Variants in DUOX1 observed in about 807,000 individuals in gnomAD.
DUOX1 encodes NADPH thyroid oxidase 1.
DUOX1 carries 134 observed loss-of-function variants against 181.8 expected under a neutral mutation model. That is an observed-to-expected ratio of 0.74 (90% CI 0.64 to 0.85). The LOEUF (loss-of-function observed/expected upper bound fraction) is 0.85, where lower values mean the gene tolerates loss of function less well. Ranked by LOEUF, DUOX1 falls within the 40% of genes least tolerant of loss-of-function variation. The pLI, the probability that DUOX1 is intolerant of heterozygous loss-of-function variation, is 0.00. For missense variants in DUOX1, 1,814 were observed against 2,064.4 expected, an observed-to-expected ratio of 0.88 and a Z score of 2.35; for synonymous variants, 798 against 832.5, an observed-to-expected ratio of 0.96 and a Z score of 0.71.
At position 45,137,990 on chromosome 15, in the gene DUOX1, C is replaced by A; in HGVS notation, c.1089C>A (p.Val363=). ...RNSSVSRALR[V]CNSYWSREHP... is the part of the protein sequence containing the mutation. ...CAAGTGTCTCCAGAGCTCTCCGGGT[C>A]TGCAACAGCTACTGGAGCCGTGAGG... is the stretch of plus-strand genomic sequence containing the variant. Residue 363 remains valine, a synonymous_variant, in exon 10 of 34, where the codon GTC becomes GTA. Transcript: ENST00000389037. The A allele has an allele frequency of 1.9e-6, 3 of 1,610,386 alleles. No homozygotes were observed. The highest frequency in any genetic ancestry group is 2.5e-6 in the Non-Finnish European group (3 of 1,177,940).
chr15:45,144,675 T>C (rs773828042), intron 17 of DUOX1, among the ~76,000 whole-genome samples: 4 of 152,358 alleles, frequency 2.6e-5, no homozygotes, highest in Middle Eastern at 3.4e-3. Flanking sequence ...CAGTATGGAA[T>C]AGAGGGAAGA....
Position 45,144,070 on chromosome 15 carries a change from G to A in DUOX1, c.1971G>A (p.Arg657=). The change falls in exon 17 of 34, where the codon CGG becomes CGA. Residue 657 remains arginine, a synonymous_variant. Coordinates refer to ENST00000389037, the MANE Select transcript of DUOX1 (RefSeq NM_175940.3). ...LEWQGHKEPC[R]PVLVYLQPGQ... ...GGCAAGGCCACAAGGAGCCCTGCCGGCCCGTGCTTGTGTACCTGCAGCCCG... is the reference window on the plus strand; with the variant it reads ...GGCAAGGCCACAAGGAGCCCTGCCGACCCGTGCTTGTGTACCTGCAGCCCG... 1 of 1,613,974 alleles carries A rather than the reference G, an allele frequency of 6.2e-7. No individual in the cohort carries two copies. The highest frequency in any genetic ancestry group is 8.5e-7 in the Non-Finnish European group (1 of 1,180,042).
rs1352394982 is a variant in DUOX1, at chr15:45,161,927, TCTA to T, written c.4049_4051del (p.Tyr1350del). ...CCCTGGACCACTCGCCTCAGGGAGA[TCTA>T]CTCAGCCCCGACGGGTGACAGATGT... On this transcript the variant is annotated inframe_deletion, in exon 30 of 34. Coordinates refer to ENST00000389037, the MANE Select transcript of DUOX1 (RefSeq NM_175940.3). 6.2e-7 allele frequency: 1 copy of T among 1,613,640 alleles called. No individual in the cohort carries two copies. Among genetic ancestry groups the T allele is most frequent in the African/African-American group, 1.3e-5 (1 of 74,840 alleles).
At chr15:45,147,779 G>A in intron 19 of DUOX1, 121 bp downstream of exon 19, 1 of 1,535,944 alleles carries the variant, frequency 6.5e-7, no homozygotes, top group Non-Finnish European at 9.0e-7. Context: ...CCGAGGTCAG[G>A]AAGCAGAGCG....
intron 27 of DUOX1, 146 bp from the exon 28 acceptor site, chr15:45,155,656 G>A: frequency 9.7e-7 from 1 of 1,032,604 alleles, no homozygotes; most frequent in Non-Finnish European, 1.5e-6. Context: ...GTGATCAGTG[G>A]TGTTGGGGGA....
At chr15:45,137,215 C>G (rs1896344005) in intron 9 of DUOX1, among the ~76,000 whole-genome samples, 2 of 145,380 alleles carry the variant, frequency 1.4e-5, no homozygotes, top group Middle Eastern at 3.6e-3. Context: ...AAAAAATTAG[C>G]CAGGCATGGT....
At chr15:45,144,296 G>C in intron 17 of DUOX1, 61 bp downstream of exon 17, 1 of 1,572,878 alleles carries the variant, frequency 6.4e-7, no homozygotes, top group African/African-American at 1.3e-5. Context: ...GCAGCCAGGT[G>C]GAGGGGAAGA....
chr15:45,161,059 C>CCG, intron 29 of DUOX1, 69 bp downstream of exon 29: 1 of 1,602,878 alleles, frequency 6.2e-7, no homozygotes, highest in East Asian at 2.2e-5. Context: ...AGAGTCTAGA[C>CCG]CGCACAGTCT....
chr15:45,134,629 G>T (rs1377027303), intron 4 of DUOX1, among the ~76,000 whole-genome samples: 1 of 152,142 alleles, frequency 6.6e-6, no homozygotes, highest in African/African-American at 2.4e-5. Context: ...AAATAATCTG[G>T]GAGGGCCTCT....
chr15:45,140,789 T>G lies in DUOX1; in HGVS notation c.1390-106T>G, dbSNP rs550357464. The G allele has an allele frequency of 6.0e-5, 69 of 1,141,790 alleles. 1 individual carries two copies. The East Asian group carries it at 1.5e-3, about 25-fold the overall frequency. The allele number at this position is 1,141,790 out of a possible 1,614,324, so 70.7% of individuals were successfully genotyped here. A position where few individuals can be genotyped will look rare whatever the true frequency, so the allele number is the denominator to read the frequency against. On this transcript the variant is annotated intron_variant, in intron 12 of 33. Coordinates refer to ENST00000389037, the MANE Select transcript of DUOX1 (RefSeq NM_175940.3). ...CTGTATAGGAGTGAGTTACTGTTAC[T>G]GTCATTTATTATTATCATCCCTGGG...
chr15:45,135,445 C>T (rs936098632), intron 5 of DUOX1, 29 bp from the exon 6 acceptor site: 1 of 1,541,562 alleles, frequency 6.5e-7, no homozygotes, highest in African/African-American at 1.4e-5. Flanking sequence ...CGCCCATCGA[C>T]CCGGGCTCAC....
intron 4 of DUOX1, 130 bp downstream of exon 4, chr15:45,134,439 C>A: frequency 1.0e-6 from 1 of 984,732 alleles, no homozygotes; most frequent in Non-Finnish European, 1.4e-6. Flanking sequence ...GTGGAGGAGG[C>A]AGTGGGGTAT....
Position 45,163,801 on chromosome 15 carries a change from G to A in DUOX1, c.4416G>A (p.Glu1472=), listed in dbSNP as rs753665084. The change falls in exon 33 of 34, where the codon GAG becomes GAA. Residue 1472 remains glutamate (E), a synonymous_variant. Transcript: ENST00000389037. ...CTTCCCTACCATAGTACATCTGTGA[G>A]CGGCACTTCCAGAAGGTTCTGAACC... The part of the protein sequence containing the change: ...DLRTTMLYIC[E]RHFQKVLNRS... The A allele has an allele frequency of 3.8e-5, 61 of 1,613,954 alleles. 2 individuals are homozygous for A. The South Asian group carries it at 6.1e-4, about 16-fold the overall frequency.
intron 16 of DUOX1, 111 bp from the exon 17 acceptor site, chr15:45,143,925 G>A: frequency 2.9e-6 from 3 of 1,024,676 alleles, no homozygotes; most frequent in Non-Finnish European, 4.4e-6. Context: ...CCCAGAAGGG[G>A]ACAATGAACT....
intron 27 of DUOX1, 110 bp from the exon 28 acceptor site, chr15:45,155,692 A>G: frequency 6.6e-7 from 1 of 1,512,546 alleles, no homozygotes; most frequent in Non-Finnish European, 9.0e-7. Context: ...ATGCTGGGAC[A>G]TTCTTACTCC....
In DUOX1 at chr15:45,165,514, C is replaced by T. The variant is rs1897208504; in HGVS notation, c.*613C>T. 1 of 152,708 alleles carries T rather than the reference C, an allele frequency of 6.5e-6. No homozygotes were observed. Among genetic ancestry groups the T allele is most frequent in the Non-Finnish European group, 1.5e-5 (1 of 68,290 alleles). The allele number at this position is 152,708 out of a possible 1,614,324, so 9.5% of individuals were successfully genotyped here. The stretch of plus-strand genomic sequence containing the variant: ...TGGCCCAATACCTATGTATGCAATG[C>T]TCCTCAGCCCTCTTCTCCCTGCTCC... On this transcript the variant is annotated 3_prime_UTR_variant, in exon 34 of 34. Transcript: ENST00000389037.
chr15:45,149,532 T>G (rs935265064), intron 21 of DUOX1, among the ~76,000 whole-genome samples: 7 of 151,976 alleles, frequency 4.6e-5, no homozygotes, highest in African/African-American at 1.7e-4. Context: ...AGATTTTTTT[T>G]ATAAAGATTT....
chr15:45,150,760 C>A (rs1896780488), intron 22 of DUOX1, 59 bp downstream of exon 22: 2 of 1,543,924 alleles, frequency 1.3e-6, no homozygotes, highest in Non-Finnish European at 1.8e-6. Context: ...TTTCTCTCCC[C>A]TGAATGGCTG....
chr15:45,132,042 G>A lies in DUOX1; in HGVS notation c.58+18G>A. ...CCCTCTGGGTGAGTACAGATTGGAG[G>A]AGAAGCATGGTTAGGAGCAGAGGAA... is the stretch of plus-strand genomic sequence containing the variant. On this transcript the variant is annotated intron_variant, in intron 2 of 33. Coordinates refer to ENST00000389037, the MANE Select transcript of DUOX1 (RefSeq NM_175940.3). The A allele has an allele frequency of 6.3e-7, 1 of 1,589,772 alleles. No individual in the cohort carries two copies. Among genetic ancestry groups the A allele is most frequent in the Non-Finnish European group, 8.5e-7 (1 of 1,171,526 alleles).
Sources: allele counts gnomAD v4.1 joint callset (sites outside exome capture counted in the v4.1 genomes callset), GRCh38; gene constraint gnomAD v4.1.1; transcripts MANE v1.5; gene names NCBI Gene and HGNC (gene_info 2026-07-23, HGNC 2026-07-21).